The following SIK2 variants were observed in gnomAD, a reference collection of about 807,000 sequenced individuals.
The protein encoded by SIK2 is salt inducible kinase 2.
SIK2 carries 29 observed loss-of-function variants against 103.2 expected under a neutral mutation model. The observed-to-expected ratio is 0.28, with a 90% CI of 0.21 to 0.38. The LOEUF (loss-of-function observed/expected upper bound fraction) is 0.38, where lower values mean the gene tolerates loss of function less well. Ranked by LOEUF, SIK2 falls within the 10% of genes least tolerant of loss-of-function variation. SIK2 has a pLI of 1.00. For missense variants in SIK2, 879 were observed against 1,171.0 expected (o/e 0.75, Z 3.64); for synonymous variants, 412 against 446.1 (o/e 0.92, Z 0.96).
At chr11:111,644,947 A>G (rs906332918) in intron 3 of SIK2, among the ~76,000 whole-genome samples, 2 of 152,240 alleles carry the variant, frequency 1.3e-5, no homozygotes, top group Admixed American at 1.3e-4. Flanking sequence ...ATACTTGTTC[A>G]GAGCCTGTCG....
In SIK2 at chr11:111,719,976, A is replaced by C. The variant is rs1424799440; in HGVS notation, c.1468A>C (p.Asn490His). The C allele has an allele frequency of 1.2e-6, 2 of 1,614,058 alleles. No homozygotes were observed. The highest frequency in any genetic ancestry group is 3.3e-5 in the Admixed American group (2 of 60,028). ...QRRHTLSEVT[N>H]QLVVMPGAGK... ...ACGGCACACTCTGTCAGAAGTGACC[A>C]ATCAACTGGTCGTGATGCCTGGGGC... The change falls in exon 10 of 15, where the codon AAT (asparagine) becomes CAT (histidine). Residue 490 changes from asparagine to histidine, a missense_variant. Physicochemically the swap from Asn to His is moderately conservative, Grantham distance 68. Coordinates refer to ENST00000304987, the MANE Select transcript of SIK2 (RefSeq NM_015191.3).
chr11:111,718,475 C>T (rs1381785396), intron 9 of SIK2, among the ~76,000 whole-genome samples: 1 of 152,184 alleles, frequency 6.6e-6, no homozygotes, highest in East Asian at 1.9e-4. Flanking sequence ...CTTAAATGAC[C>T]GCTCATCGCT....
chr11:111,668,651 C>T (rs1053162899), intron 3 of SIK2, among the ~76,000 whole-genome samples: 5 of 152,232 alleles, frequency 3.3e-5, no homozygotes, highest in Admixed American at 2.0e-4. Flanking sequence ...GCTTGTAGTC[C>T]GAGTGACGTG....
intron 3 of SIK2, among the ~76,000 whole-genome samples, chr11:111,680,980 A>G (rs1473044042): frequency 6.6e-6 from 1 of 152,240 alleles, no homozygotes; most frequent in Non-Finnish European, 1.5e-5. Context: ...ACTGACTGTA[A>G]GATGATAGTT....
chr11:111,672,353 A>C, intron 3 of SIK2: 1 of 524,920 alleles, frequency 1.9e-6, no homozygotes, highest in Non-Finnish European at 3.0e-6. Flanking sequence ...CTGAAGGCCA[A>C]GGGGCCAGAG....
intron 1 of SIK2, among the ~76,000 whole-genome samples, chr11:111,607,877 C>G (rs1464034880): frequency 6.6e-6 from 1 of 152,118 alleles, no homozygotes; most frequent in East Asian, 1.9e-4. Flanking sequence ...TTAATGTGTT[C>G]TGATTTTAAA....
In SIK2 at chr11:111,670,895, T is replaced by C. The variant is rs118141534; in HGVS notation, c.317-17106T>C. On this transcript the variant is annotated intron_variant, in intron 3 of 14. Transcript: ENST00000304987. ...ATGCTCCCCTGCACAGCTGCCTCCC[T>C]GACAGGCTCTGGGACAGCCACAGAA... 9.6e-3 allele frequency: 1,487 copies of C among 155,656 alleles called. 14 individuals are homozygous for C. Among genetic ancestry groups the C allele is most frequent in the Middle Eastern group, 0.062 (19 of 308 alleles). The allele number at this position is 155,656 out of a possible 1,614,324, so 9.6% of individuals were successfully genotyped here.
chr11:111,659,818 G>A (rs1457841196), intron 3 of SIK2, among the ~76,000 whole-genome samples: 3 of 152,190 alleles, frequency 2.0e-5, no homozygotes, highest in Admixed American at 6.5e-5. Flanking sequence ...ATGAGGAAAT[G>A]TATTATCTCC....
chr11:111,615,076 T>A (rs905699842), intron 1 of SIK2, among the ~76,000 whole-genome samples: 1 of 151,564 alleles, frequency 6.6e-6, no homozygotes, highest in African/African-American at 2.4e-5. Flanking sequence ...GAGGCGGAGG[T>A]TGCAGTGAGC....
At chr11:111,660,682 GCAGT>G (rs1942455257) in intron 3 of SIK2, among the ~76,000 whole-genome samples, 1 of 152,000 alleles carries the variant, frequency 6.6e-6, no homozygotes, top group Non-Finnish European at 1.5e-5. Context: ...AAAATATTTA[GCAGT>G]CAGTCACATG....
intron 3 of SIK2, among the ~76,000 whole-genome samples, chr11:111,654,634 G>A (rs1942368195): frequency 6.6e-6 from 1 of 152,180 alleles, no homozygotes; most frequent in Non-Finnish European, 1.5e-5. Flanking sequence ...TTTTCAAAGT[G>A]TTGTTCTACA....
At chr11:111,715,542 C>T (rs1409448199) in intron 9 of SIK2, among the ~76,000 whole-genome samples, 1 of 152,114 alleles carries the variant, frequency 6.6e-6, no homozygotes, top group Admixed American at 6.6e-5. Context: ...AGTAAAATCC[C>T]TTGGGGAGTC....
chr11:111,713,254 T>C (rs1591639720), intron 9 of SIK2, among the ~76,000 whole-genome samples: 1 of 152,240 alleles, frequency 6.6e-6, no homozygotes, highest in Admixed American at 6.5e-5. Context: ...CTCTCATTCA[T>C]AGATGTCTCT....
intron 9 of SIK2, among the ~76,000 whole-genome samples, chr11:111,716,799 T>G (rs1489151829): frequency 6.6e-6 from 1 of 152,006 alleles, no homozygotes; most frequent in Non-Finnish European, 1.5e-5. Context: ...AGTAAAAATA[T>G]TAAGGATAAA....
intron 3 of SIK2, among the ~76,000 whole-genome samples, chr11:111,647,479 C>T (rs1565329629): frequency 6.7e-6 from 1 of 150,352 alleles, no homozygotes; most frequent in Non-Finnish European, 1.5e-5. Context: ...AAAAATACGC[C>T]AGGCATGTTG....
chr11:111,701,466 T>G lies in SIK2; in HGVS notation c.618T>G (p.Val206=), dbSNP rs1406988212. Residue 206 remains valine (V), a synonymous_variant, in exon 6 of 15, where the codon GTT becomes GTG. Coordinates refer to ENST00000304987, the MANE Select transcript of SIK2 (RefSeq NM_015191.3). The surrounding 1 kb of genome is among the most constrained non-coding windows in gnomAD (Gnocchi z 4.2). ...PQLDIWSMGV[V]LYVLVCGALP... is the part of the protein sequence containing the mutation. ...TTCTTCCCTAGAGTATGGGAGTTGT[T>G]CTTTATGTCCTTGTCTGTGGAGCTC... 1 of 1,613,890 alleles carries G rather than the reference T, an allele frequency of 6.2e-7. No individual in the cohort carries two copies. The highest frequency in any genetic ancestry group is 1.1e-5 in the South Asian group (1 of 91,050).
chr11:111,689,400 A>C (rs1049156390), intron 4 of SIK2, among the ~76,000 whole-genome samples: 3 of 152,176 alleles, frequency 2.0e-5, no homozygotes, highest in Non-Finnish European at 2.9e-5. Context: ...GGTGAGGTGG[A>C]AGACAGGAAG....
At chr11:111,692,723 A>G (rs187266048) in intron 4 of SIK2, among the ~76,000 whole-genome samples, 326 of 152,250 alleles carry the variant, frequency 2.1e-3, no homozygotes, top group African/African-American at 7.2e-3. Flanking sequence ...TTAAATCTTA[A>G]TGGAATCTAA....
intron 1 of SIK2, among the ~76,000 whole-genome samples, chr11:111,613,717 A>T (rs954307412): frequency 6.6e-6 from 1 of 152,172 alleles, no homozygotes; most frequent in African/African-American, 2.4e-5. Context: ...AATAATTAAA[A>T]CACCACCAAA....
Sources: allele counts gnomAD v4.1 joint callset (sites outside exome capture counted in the v4.1 genomes callset), GRCh38; gene constraint gnomAD v4.1.1; non-coding constraint Gnocchi (gnomAD v3.1); transcripts MANE v1.5; gene names NCBI Gene and HGNC (gene_info 2026-07-23, HGNC 2026-07-21).